GEMIN2: variants seen among roughly 807,000 people sequenced by gnomAD.
GEMIN2 encodes gem nuclear organelle associated protein 2.
GEMIN2 carries 37 observed loss-of-function variants against 45.8 expected under a neutral mutation model. The ratio of observed to expected loss-of-function variants is 0.81; its 90% CI spans 0.62 to 1.06. GEMIN2 has a LOEUF of 1.06. GEMIN2 is among the 50% of genes least tolerant of loss of function. GEMIN2 has a pLI of 0.00. For missense variants in GEMIN2, 335 were observed against 321.8 expected, an observed-to-expected ratio of 1.04 and a Z score of -0.31; for synonymous variants, 101 against 111.5, an observed-to-expected ratio of 0.91 and a Z score of 0.60.
Position 39,136,487 on chromosome 14 carries a change from G to C in GEMIN2, c.*8G>C. On this transcript the variant is annotated 3_prime_UTR_variant, in exon 10 of 10. Coordinates refer to ENST00000308317, the MANE Select transcript of GEMIN2 (RefSeq NM_003616.3). ...GCTGATGAGCCATCTTGATGTAGCT[G>C]ATCTCTCAGGGATAGAAGATATTTC... is the stretch of plus-strand genomic sequence containing the variant. The C allele has an allele frequency of 1.9e-6, 3 of 1,597,626 alleles. No homozygotes were observed. The highest frequency in any genetic ancestry group is 2.6e-6 in the Non-Finnish European group (3 of 1,166,510).
chr14:39,136,470 G>C lies in GEMIN2; in HGVS notation c.801G>C (p.Glu267Asp). The change falls in exon 10 of 10, where the codon GAG becomes GAC. Residue 267 changes from glutamate to aspartate, a missense_variant. Transcript: ENST00000308317. ...TTGACCAACGTGATTTAGCTGATGA[G>C]CCATCTTGATGTAGCTGATCTCTCA... ...RYFDQRDLAD[E>D]PS The C allele has an allele frequency of 1.9e-6, 3 of 1,595,232 alleles. No homozygotes were observed. Among genetic ancestry groups the C allele is most frequent in the Non-Finnish European group, 2.6e-6 (3 of 1,164,376 alleles).
Position 39,128,067 on chromosome 14 carries a change from C to CAAAAAAAAAAAAAAAAAAAAAA in GEMIN2, c.532-208_532-187dup. Among the ~76,000 whole-genome samples the CAAAAAAAAAAAAAAAAAAAAAA allele has an allele frequency of 1.9e-4, 2 of 10,552 alleles. 1 individual carries two copies. The highest frequency in any genetic ancestry group is 6.5e-4 in the Non-Finnish European group (2 of 3,086). 6.9% of individuals were successfully genotyped at this position (10,552 alleles called of 152,430 possible). ...TGGGCAACAGAGTGAGACTCTATCTCAAAAAAAAAAAAAAAAAAAAAAAAA... is the reference window on the plus strand; with the variant it reads ...TGGGCAACAGAGTGAGACTCTATCTCAAAAAAAAAAAAAAAAAAAAAAAAAAAAAAAAAAAAAAAAAAAAAAA... On this transcript the variant is annotated intron_variant, in intron 6 of 9. Transcript: ENST00000308317.
At chr14:39,128,480 CTTTTCT>C in intron 7 of GEMIN2, 132 bp downstream of exon 7, 1 of 235,072 alleles carries the variant, frequency 4.3e-6, no homozygotes, top group Non-Finnish European at 7.1e-6. Context: ...TTCTTTTTTT[CTTTTCT>C]TTTTTTTTTT....
chr14:39,117,440 G>A lies in GEMIN2; in HGVS notation c.223-559G>A, dbSNP rs1016218468. Among the ~76,000 whole-genome samples, 33 of 152,254 alleles carry A rather than the reference G, an allele frequency of 2.2e-4. 1 individual carries two copies. Among genetic ancestry groups the A allele is most frequent in the African/African-American group, 7.7e-4 (32 of 41,550 alleles). On this transcript the variant is annotated intron_variant, in intron 2 of 9. Coordinates refer to ENST00000308317, the MANE Select transcript of GEMIN2 (RefSeq NM_003616.3). ...AATTGTACATATTTATGGAGTATAT[G>A]TGATATTTTGATACATGCATACAAT...
chr14:39,121,735 C>CA (rs2052574948), intron 4 of GEMIN2, among the ~76,000 whole-genome samples: 1 of 152,110 alleles, frequency 6.6e-6, no homozygotes, highest in Admixed American at 6.5e-5. Context: ...TTTTTTGAGG[C>CA]AGAGTTTCGC....
At chr14:39,132,998 GTGTA>G (rs1320022949) in intron 8 of GEMIN2, among the ~76,000 whole-genome samples, 3 of 117,936 alleles carry the variant, frequency 2.5e-5, no homozygotes, top group Non-Finnish European at 5.3e-5. Flanking sequence ...GTGTGTGTGT[GTGTA>G]TATATATGTG....
intron 1 of GEMIN2, 75 bp downstream of exon 1, chr14:39,114,550 C>G: frequency 1.8e-6 from 2 of 1,095,476 alleles, no homozygotes; most frequent in South Asian, 2.8e-5. Context: ...TGCTCTATTC[C>G]CGTTCCAGTC....
chr14:39,123,926 TA>T (rs1226537869), intron 5 of GEMIN2, among the ~76,000 whole-genome samples: 1 of 151,216 alleles, frequency 6.6e-6, no homozygotes, highest in Non-Finnish European at 1.5e-5. Context: ...TTTAATTTTT[TA>T]AAAAAATTTT....
At chr14:39,118,147 G>T in intron 3 of GEMIN2, 59 bp downstream of exon 3, 1 of 816,112 alleles carries the variant, frequency 1.2e-6, no homozygotes, top group Non-Finnish European at 2.0e-6. Context: ...TTCTTAGACT[G>T]TAGCTGGAAA....
rs1247751024 is a variant in GEMIN2, at chr14:39,136,928, C to T, written c.*449C>T. Reference sequence around the variant, plus strand: ...AATTAAAATAATCTGGATTAAATGGCAATGTGTTCATAGTCAGCAATAAAA... The same window carrying T: ...AATTAAAATAATCTGGATTAAATGGTAATGTGTTCATAGTCAGCAATAAAA... On this transcript the variant is annotated 3_prime_UTR_variant, in exon 10 of 10. Transcript: ENST00000308317. The T allele has an allele frequency of 6.6e-6, 1 of 151,654 alleles. No homozygotes were observed. Among genetic ancestry groups the T allele is most frequent in the Non-Finnish European group, 1.5e-5 (1 of 68,628 alleles). The allele number at this position is 151,654 out of a possible 1,614,324, so 9.4% of individuals were successfully genotyped here. A position where few individuals can be genotyped will look rare whatever the true frequency, so the allele number is the denominator to read the frequency against.
At chr14:39,134,339 C>G (rs1171547721) in intron 9 of GEMIN2, 1 of 152,214 alleles carries the variant, frequency 6.6e-6, no homozygotes, top group East Asian at 1.9e-4. Flanking sequence ...CCCCCTCAGC[C>G]TCCCAAGTAG....
chr14:39,118,671 G>T (rs929488745), intron 4 of GEMIN2, 72 bp downstream of exon 4: 1 of 685,284 alleles, frequency 1.5e-6, no homozygotes, highest in African/African-American at 1.8e-5. Flanking sequence ...ACTTCCAGTC[G>T]TTAAAGATTC....
At chr14:39,134,394 A>G (rs764003973) in intron 9 of GEMIN2, 1 of 152,038 alleles carries the variant, frequency 6.6e-6, no homozygotes. Flanking sequence ...AATTTTTGTA[A>G]TTTTGTGGAG....
intron 4 of GEMIN2, among the ~76,000 whole-genome samples, chr14:39,121,381 A>T (rs570583359): frequency 2.0e-4 from 31 of 152,314 alleles, no homozygotes; most frequent in Non-Finnish European, 3.7e-4. Context: ...AAAAAAATTT[A>T]AAAATTATCA....
intron 2 of GEMIN2, among the ~76,000 whole-genome samples, chr14:39,117,296 G>A (rs2052521812): frequency 6.7e-6 from 1 of 149,260 alleles, no homozygotes; most frequent in Non-Finnish European, 1.5e-5. Context: ...GAAAACAGAA[G>A]TAGACAATTT....
At chr14:39,136,348 T>A in intron 9 of GEMIN2, 92 bp from the exon 10 acceptor site, 1 of 713,212 alleles carries the variant, frequency 1.4e-6, no homozygotes, top group South Asian at 1.6e-5. Context: ...TTCTTATTGA[T>A]GGACGTTTGG....
At chr14:39,118,716 A>G (rs2052541030) in intron 4 of GEMIN2, 117 bp downstream of exon 4, 1 of 548,896 alleles carries the variant, frequency 1.8e-6, no homozygotes, top group Middle Eastern at 4.6e-4. Flanking sequence ...ATTCTCTTCA[A>G]TATACCATTA....
intron 7 of GEMIN2, among the ~76,000 whole-genome samples, chr14:39,129,259 T>G (rs984235759): frequency 4.6e-5 from 7 of 152,178 alleles, no homozygotes; most frequent in Admixed American, 2.0e-4. Flanking sequence ...AGTCTAGGTA[T>G]AGTAGACTAT....
At position 39,128,318 on chromosome 14, in the gene GEMIN2, G is replaced by A; in HGVS notation, c.570G>A (p.Trp190Ter). ...GTGTCTTGGAATATCTGAGTAATTG[G>A]TTTGGAGAAAGAGACTTTACTCCAG... is the stretch of plus-strand genomic sequence containing the variant. ...VTSVLEYLSN[W>*]FGERDFTPEL... Residue 190 changes from tryptophan to a stop codon, truncating the protein, a stop_gained, in exon 7 of 10, where the codon TGG (tryptophan) becomes TGA (stop). Transcript: ENST00000308317. LOFTEE classifies it high-confidence loss of function. 6.3e-7 allele frequency: 1 copy of A among 1,583,530 alleles called. No homozygotes were observed. The highest frequency in any genetic ancestry group is 8.6e-7 in the Non-Finnish European group (1 of 1,159,648).
Sources: allele counts gnomAD v4.1 joint callset (sites outside exome capture counted in the v4.1 genomes callset), GRCh38; gene constraint gnomAD v4.1.1; transcripts MANE v1.5; gene names NCBI Gene and HGNC (gene_info 2026-07-23, HGNC 2026-07-21).